HOPX: variants seen among roughly 807,000 people sequenced by gnomAD.
The protein encoded by HOPX is HOP homeobox.
HOPX carries 5 observed loss-of-function variants against 11.8 expected under a neutral mutation model. The ratio of observed to expected loss-of-function variants is 0.43; its 90% CI spans 0.22 to 0.89. The LOEUF is 0.89. Ranked by LOEUF, HOPX falls within the 40% of genes least tolerant of loss-of-function variation. The pLI is 0.28. For synonymous variants in HOPX, 49 were observed against 49.7 expected, an observed-to-expected ratio of 0.99 and a Z score of 0.06; for missense variants, 119 against 120.0, an observed-to-expected ratio of 0.99 and a Z score of 0.04.
intron 2 of HOPX, 50 bp from the exon 3 acceptor site, chr4:56,656,062 G>C: frequency 1.4e-6 from 2 of 1,461,648 alleles, no homozygotes; most frequent in Non-Finnish European, 9.0e-7. Flanking sequence ...GGAGCGGGCG[G>C]GACGCAGCGA....
intron 1 of HOPX, chr4:56,664,638 C>T (rs1299992366): frequency 1.3e-5 from 2 of 152,126 alleles, no homozygotes; most frequent in African/African-American, 4.8e-5. Context: ...ACATGTATCC[C>T]TACATGGCAC....
At chr4:56,654,862 G>A (rs1717525999) in intron 3 of HOPX, among the ~76,000 whole-genome samples, 1 of 152,176 alleles carries the variant, frequency 6.6e-6, no homozygotes, top group South Asian at 2.1e-4. Flanking sequence ...TAGAGTTGAG[G>A]TTAGAAGTGT....
At chr4:56,649,341 G>C (rs999706877) in intron 3 of HOPX, 2 of 152,318 alleles carry the variant, frequency 1.3e-5, no homozygotes, top group African/African-American at 4.8e-5. Flanking sequence ...AGAAGTTAAA[G>C]CATCTCCTTA....
At chr4:56,676,142 C>CA (rs1398687396) in intron 1 of HOPX, among the ~76,000 whole-genome samples, 4 of 151,202 alleles carry the variant, frequency 2.6e-5, no homozygotes, top group Non-Finnish European at 1.5e-5. Flanking sequence ...ATCAAAACTA[C>CA]AAAAAATTAG....
chr4:56,648,834 A>T, intron 3 of HOPX, 37 bp from the exon 4 acceptor site: 1 of 1,517,226 alleles, frequency 6.6e-7, no homozygotes. Context: ...TTTGTCACAT[A>T]CAGAAAAACT....
upstream of HOPX, chr4:56,681,490 G>C (rs1719323381): frequency 3.0e-6 from 3 of 996,418 alleles, no homozygotes; most frequent in African/African-American, 3.5e-5. Flanking sequence ...GTTCAGGCTG[G>C]GACTTCTGAG....
At chr4:56,669,385 A>G (rs571334684) in intron 1 of HOPX, among the ~76,000 whole-genome samples, 1 of 152,222 alleles carries the variant, frequency 6.6e-6, no homozygotes, top group African/African-American at 2.4e-5. Context: ...AACACTGAAG[A>G]ATAAAAGGAG....
intron 3 of HOPX, among the ~76,000 whole-genome samples, chr4:56,655,261 G>C (rs946226521): frequency 6.6e-6 from 1 of 152,194 alleles, no homozygotes; most frequent in Non-Finnish European, 1.5e-5. Flanking sequence ...TTCGTGCAGC[G>C]TGAGTTCTGC....
chr4:56,657,088 G>A (rs1291141785), intron 2 of HOPX, among the ~76,000 whole-genome samples: 2 of 152,196 alleles, frequency 1.3e-5, no homozygotes, highest in Non-Finnish European at 2.9e-5. Context: ...GAAGCAACAT[G>A]ACTTCCTGCT....
chr4:56,675,492 G>A (rs1484040002), intron 1 of HOPX, among the ~76,000 whole-genome samples: 1 of 151,644 alleles, frequency 6.6e-6, no homozygotes. Context: ...TGAGAAAATA[G>A]GACCCAGGTT....
chr4:56,660,576 T>C (rs1050692375), intron 1 of HOPX, among the ~76,000 whole-genome samples: 5 of 151,792 alleles, frequency 3.3e-5, no homozygotes, highest in Non-Finnish European at 5.9e-5. Flanking sequence ...AAATTTTTTT[T>C]CCCCCTATAT....
intron 3 of HOPX, chr4:56,650,322 A>C (rs564390498): frequency 2.2e-5 from 4 of 182,018 alleles, no homozygotes; most frequent in Non-Finnish European, 4.7e-5. Flanking sequence ...GAGATGCCAG[A>C]TCTGGGATGT....
At chr4:56,666,004 G>A (rs1198800993) in intron 1 of HOPX, among the ~76,000 whole-genome samples, 2 of 152,146 alleles carry the variant, frequency 1.3e-5, no homozygotes, top group Non-Finnish European at 2.9e-5. Flanking sequence ...ACAGAAGAAA[G>A]GCAGTGCCCG....
At chr4:56,649,076 C>T (rs1716914681) in intron 3 of HOPX, 1 of 296,290 alleles carries the variant, frequency 3.4e-6, no homozygotes, top group Non-Finnish European at 6.3e-6. Context: ...ATGAAGCCTT[C>T]CCTGATCACT....
chr4:56,679,137 G>C (rs1214756173), intron 1 of HOPX: 1 of 152,306 alleles, frequency 6.6e-6, no homozygotes, highest in African/African-American at 2.4e-5. Context: ...AGCTACTTGG[G>C]AGGCTGAGGT....
At chr4:56,666,459 C>T (rs539120255) in intron 1 of HOPX, among the ~76,000 whole-genome samples, 1 of 152,132 alleles carries the variant, frequency 6.6e-6, no homozygotes, top group Non-Finnish European at 1.5e-5. Context: ...TTATGAAAAG[C>T]CATTGGAGGA....
At chr4:56,650,755 C>T in intron 3 of HOPX, 1 of 1,551,422 alleles carries the variant, frequency 6.4e-7, no homozygotes, top group Non-Finnish European at 8.7e-7. Context: ...GGGTAGCCTT[C>T]TCTTTGGGGG....
intron 1 of HOPX, among the ~76,000 whole-genome samples, chr4:56,674,036 T>G (rs993533816): frequency 6.6e-6 from 1 of 151,530 alleles, no homozygotes; most frequent in African/African-American, 2.4e-5. Flanking sequence ...CAACTATTGT[T>G]TAACTCTTGA....
At position 56,650,588 on chromosome 4, in the gene HOPX, G is replaced by A; in HGVS notation, c.199-1791C>T. ...TGGGCTCCACATCAATGCTAAGCAG[G>A]CTGAATAGCATGGGAACACACCTAC... On this transcript the variant is annotated intron_variant, in intron 3 of 3. Transcript: ENST00000420433. The A allele has an allele frequency of 4.5e-6, 6 of 1,343,528 alleles. No homozygotes were observed. In the South Asian group the frequency reaches 7.9e-5, roughly 18 times the overall value. 83.2% of individuals were successfully genotyped at this position (1,343,528 alleles called of 1,614,324 possible).
Sources: allele counts gnomAD v4.1 joint callset (sites outside exome capture counted in the v4.1 genomes callset), GRCh38; gene constraint gnomAD v4.1.1; transcripts MANE v1.5; gene names NCBI Gene and HGNC (gene_info 2026-07-23, HGNC 2026-07-21).